The following P2RX3 variants were observed in gnomAD, a reference collection of about 807,000 sequenced individuals.
P2RX3 encodes the protein P2X purinoceptor 3.
P2RX3 carries 41 observed loss-of-function variants against 51.5 expected under a neutral mutation model. That is an observed-to-expected ratio of 0.80 (90% CI 0.62 to 1.03). The LOEUF (loss-of-function observed/expected upper bound fraction) is 1.03, where lower values mean the gene tolerates loss of function less well. Among genes scored for constraint, P2RX3 ranks in the 50% least tolerant of loss-of-function variants. The pLI is 0.00. For synonymous variants in P2RX3, 185 were observed against 191.6 expected (o/e 0.97, Z 0.29); for missense variants, 459 against 522.1 (o/e 0.88, Z 1.18).
chr11:57,336,952 T>C (rs1856233619), upstream of P2RX3, among the ~76,000 whole-genome samples: 1 of 152,136 alleles, frequency 6.6e-6, no homozygotes, highest in East Asian at 1.9e-4. Flanking sequence ...GAGGGCCTAT[T>C]ACTACTTTAG....
chr11:57,339,919 A>G (rs963034232), intron 1 of P2RX3, among the ~76,000 whole-genome samples: 2 of 152,200 alleles, frequency 1.3e-5, no homozygotes, highest in African/African-American at 4.8e-5. Flanking sequence ...GGTAGGCTTC[A>G]GTGGGCAGGT....
At position 57,349,850 on chromosome 11, in the gene P2RX3, G is replaced by A. The variant is rs1856511910; in HGVS notation, c.657G>A (p.Gly219=). 2 of 1,614,126 alleles carry A rather than the reference G, an allele frequency of 1.2e-6. No individual in the cohort carries two copies. Among genetic ancestry groups the A allele is most frequent in the Admixed American group, 3.3e-5 (2 of 60,008 alleles). Residue 219 remains glycine (G), a synonymous_variant, in exon 7 of 12, where the codon GGG becomes GGA. Transcript: ENST00000263314. ...CTTTCTGCCCCATCTTGCGGGTAGGGGACGTGGTCAAGTTTGCGGGGCAGG... is the reference window on the plus strand; with the variant it reads ...CTTTCTGCCCCATCTTGCGGGTAGGAGACGTGGTCAAGTTTGCGGGGCAGG... ...KDPFCPILRV[G]DVVKFAGQDF...
chr11:57,344,720 T>C (rs993490293), intron 1 of P2RX3, among the ~76,000 whole-genome samples: 1 of 152,108 alleles, frequency 6.6e-6, no homozygotes, highest in African/African-American at 2.4e-5. Flanking sequence ...TATTTATTTA[T>C]CAAAAATTTA....
At chr11:57,369,315 C>T (rs1195685303) in intron 10 of P2RX3, 46 bp from the exon 11 acceptor site, 1 of 1,574,524 alleles carries the variant, frequency 6.4e-7, no homozygotes, top group Admixed American at 1.7e-5. Context: ...TGATCCCACC[C>T]AACCCAGGGC....
At position 57,347,285 on chromosome 11, in the gene P2RX3, C is replaced by A; in HGVS notation, c.327+98C>A. 4.0e-6 allele frequency: 6 copies of A among 1,491,344 alleles called. No individual in the cohort carries two copies. The South Asian group carries it at 7.0e-5, about 17-fold the overall frequency. 92.4% of individuals were successfully genotyped at this position (1,491,344 alleles called of 1,614,324 possible). A position where few individuals can be genotyped will look rare whatever the true frequency, so the allele number is the denominator to read the frequency against. On this transcript the variant is annotated intron_variant, in intron 3 of 11. Transcript: ENST00000263314. ...GGAGGTATGAGCAGAGGCCCCAAGT[C>A]TGACCTTGCAACTGGGACCTGGGAC...
intron 8 of P2RX3, among the ~76,000 whole-genome samples, chr11:57,359,322 G>C (rs1007245240): frequency 5.9e-5 from 9 of 152,184 alleles, no homozygotes; most frequent in African/African-American, 1.9e-4. Flanking sequence ...AGAAACCAGG[G>C]GGGAGGAAGC....
At chr11:57,363,312 A>G (rs1027013190) in intron 8 of P2RX3, among the ~76,000 whole-genome samples, 3 of 152,316 alleles carry the variant, frequency 2.0e-5, no homozygotes, top group South Asian at 4.1e-4. Flanking sequence ...CAGGGTTAGC[A>G]TTGCTAGTTG....
At chr11:57,369,795 G>GCGCCCA in intron 11 of P2RX3, 89 bp from the exon 12 acceptor site, 1 of 910,572 alleles carries the variant, frequency 1.1e-6, no homozygotes, top group Non-Finnish European at 1.8e-6. Context: ...TAGGTCATGG[G>GCGCCCA]CGCCCACTGC....
chr11:57,343,980 A>G (rs1856387737), intron 1 of P2RX3, among the ~76,000 whole-genome samples: 1 of 152,198 alleles, frequency 6.6e-6, no homozygotes, highest in Non-Finnish European at 1.5e-5. Context: ...TGGGATTTCT[A>G]CGTGAGGCAT....
chr11:57,337,535 T>A (rs1436492091), upstream of P2RX3, among the ~76,000 whole-genome samples: 1 of 152,040 alleles, frequency 6.6e-6, no homozygotes, highest in Non-Finnish European at 1.5e-5. Context: ...TGGATGAAGC[T>A]GGACTCCATC....
At chr11:57,340,219 T>A (rs1170990502) in intron 1 of P2RX3, among the ~76,000 whole-genome samples, 2 of 152,176 alleles carry the variant, frequency 1.3e-5, no homozygotes, top group African/African-American at 4.8e-5. Context: ...CCTTCTGGCC[T>A]GGCTCCACTG....
intron 10 of P2RX3, among the ~76,000 whole-genome samples, chr11:57,368,777 C>T (rs544981167): frequency 2.0e-5 from 3 of 152,186 alleles, no homozygotes; most frequent in Non-Finnish European, 4.4e-5. Flanking sequence ...ACAGAGCCCA[C>T]GTGGCATGGT....
chr11:57,371,638 A>T lies in P2RX3; in HGVS notation c.*1641A>T, dbSNP rs1173379624. ...CATAAAGCTCAACACCCCTTCCCTCACTCTGCCCTAACCCACAGCCCCATG... is the reference window on the plus strand; with the variant it reads ...CATAAAGCTCAACACCCCTTCCCTCTCTCTGCCCTAACCCACAGCCCCATG... On this transcript the variant is annotated 3_prime_UTR_variant, in exon 12 of 12. Coordinates refer to ENST00000263314, the MANE Select transcript of P2RX3 (RefSeq NM_002559.5). 1.3e-5 allele frequency among the ~76,000 whole-genome samples: 2 copies of T among 151,962 alleles called. No homozygotes were observed.
At chr11:57,358,746 C>G (rs1044375015) in intron 8 of P2RX3, among the ~76,000 whole-genome samples, 1 of 152,178 alleles carries the variant, frequency 6.6e-6, no homozygotes, top group African/African-American at 2.4e-5. Context: ...ATTTATAGAC[C>G]TATCACAATC....
chr11:57,337,346 G>GAAAAA (rs1565058239), upstream of P2RX3, among the ~76,000 whole-genome samples: 1 of 24,142 alleles, frequency 4.1e-5, no homozygotes, highest in Non-Finnish European at 8.4e-5. Flanking sequence ...GGGAAGGAAA[G>GAAAAA]AAAGAAAAAA....
intron 6 of P2RX3, 29 bp from the exon 7 acceptor site, chr11:57,349,728 G>T (rs1482718320): frequency 1.2e-6 from 2 of 1,613,670 alleles, no homozygotes; most frequent in Non-Finnish European, 1.7e-6. Context: ...ATGAACCCTG[G>T]GCTGACCTCT....
Position 57,370,007 on chromosome 11 carries a change from C to T in P2RX3, c.*10C>T. On this transcript the variant is annotated 3_prime_UTR_variant, in exon 12 of 12. Coordinates refer to ENST00000263314, the MANE Select transcript of P2RX3 (RefSeq NM_002559.5). Reference sequence around the variant, plus strand: ...CTCCATAGGCCACTAGGGCCTCTTTCCAGGGCCCCACACTCACAAAGGCTC... The same window carrying T: ...CTCCATAGGCCACTAGGGCCTCTTTTCAGGGCCCCACACTCACAAAGGCTC... 2 of 1,582,444 alleles carry T rather than the reference C, an allele frequency of 1.3e-6. No homozygotes were observed. Among genetic ancestry groups the T allele is most frequent in the South Asian group, 1.1e-5 (1 of 90,008 alleles).
intron 1 of P2RX3, among the ~76,000 whole-genome samples, chr11:57,340,235 A>G (rs1856313403): frequency 6.6e-6 from 1 of 152,160 alleles, no homozygotes; most frequent in Non-Finnish European, 1.5e-5. Context: ...CACTGGCTCC[A>G]GGCAGAGATT....
intron 9 of P2RX3, 51 bp from the exon 10 acceptor site, chr11:57,368,321 C>A (rs935232687): frequency 4.4e-6 from 7 of 1,597,246 alleles, no homozygotes; most frequent in Non-Finnish European, 6.0e-6. Context: ...TCGGGCCTCA[C>A]CCCCATCCCA....
Sources: gnomAD v4.1 joint callset for allele counts (sites outside exome capture counted in the v4.1 genomes callset) on GRCh38, gnomAD v4.1.1 for gene constraint, MANE v1.5 for transcripts, NCBI Gene and HGNC (gene_info 2026-07-23, HGNC 2026-07-21) for gene names.